HPSE2: variants seen among roughly 807,000 people sequenced by gnomAD.
The protein encoded by HPSE2 is inactive heparanase-2.
A neutral mutation model predicts 60.5 loss-of-function variants in HPSE2; 38 were observed. The observed-to-expected ratio is 0.63, with a 90% CI of 0.48 to 0.82. The LOEUF is 0.82. Among genes scored for constraint, HPSE2 ranks in the 40% least tolerant of loss-of-function variants. The probability of loss-of-function intolerance (pLI) is 0.00; values close to 1 mark genes in which losing one functional copy is unlikely to be tolerated. For missense variants in HPSE2, 713 were observed against 740.4 expected (o/e 0.96, Z 0.43); for synonymous variants, 295 against 293.2 (o/e 1.01, Z -0.06).
chr10:98,882,534 G>A (rs12268875), intron 3 of HPSE2, among the ~76,000 whole-genome samples: 1,561 of 151,994 alleles, frequency 0.01, 32 homozygotes, highest in African/African-American at 0.036. Flanking sequence ...TGACTCTCTG[G>A]GGCATGTTCT....
chr10:98,858,490 C>T (rs779925909), intron 3 of HPSE2, among the ~76,000 whole-genome samples: 12 of 152,100 alleles, frequency 7.9e-5, no homozygotes, highest in Admixed American at 6.6e-5. Context: ...TTTAATGCCA[C>T]AATTTTCATT....
At chr10:98,772,756 A>G (rs1362448896) in intron 3 of HPSE2, among the ~76,000 whole-genome samples, 1 of 152,210 alleles carries the variant, frequency 6.6e-6, no homozygotes, top group East Asian at 1.9e-4. Flanking sequence ...AATAAGGAGA[A>G]AGATTTTATT....
chr10:99,083,381 T>C (rs957316576), intron 3 of HPSE2, among the ~76,000 whole-genome samples: 4 of 152,198 alleles, frequency 2.6e-5, no homozygotes, highest in African/African-American at 9.6e-5. Flanking sequence ...CAAAGGAAAA[T>C]GTGAACTAGA....
intron 3 of HPSE2, among the ~76,000 whole-genome samples, chr10:99,080,221 T>C (rs1843088763): frequency 6.7e-6 from 1 of 149,906 alleles, no homozygotes; most frequent in South Asian, 2.1e-4. Context: ...AAAAAAATTC[T>C]GTTTGAGTTT....
In HPSE2 at chr10:98,557,301, A is replaced by C. The variant is rs189309658; in HGVS notation, c.1320+57603T>G. Among the ~76,000 whole-genome samples the C allele has an allele frequency of 7.2e-5, 11 of 152,348 alleles. No homozygotes were observed. In the East Asian group the frequency reaches 2.1e-3, roughly 29 times the overall value. ...AAACCGACCAGTGAAACATAATACA[A>C]GGTCCAGAAACAGACCTTTACCTAT... On this transcript the variant is annotated intron_variant, in intron 9 of 11. Transcript: ENST00000370552.
At chr10:99,173,277 G>A (rs142913778) in intron 2 of HPSE2, among the ~76,000 whole-genome samples, 1 of 152,266 alleles carries the variant, frequency 6.6e-6, no homozygotes, top group African/African-American at 2.4e-5. Flanking sequence ...GAAGATATTA[G>A]GAGAGCTGGG....
chr10:98,943,624 C>G (rs764962520), intron 3 of HPSE2, among the ~76,000 whole-genome samples: 17 of 152,106 alleles, frequency 1.1e-4, no homozygotes, highest in Non-Finnish European at 2.4e-4. Context: ...CTCTTACTTT[C>G]TCTTTTTCTC....
intron 3 of HPSE2, among the ~76,000 whole-genome samples, chr10:99,077,574 G>GTGTA (rs916300205): frequency 6.6e-6 from 1 of 151,764 alleles, no homozygotes; most frequent in Non-Finnish European, 1.5e-5. Flanking sequence ...CTGTGTGTGA[G>GTGTA]TGTATGTGTG....
chr10:99,130,016 C>G (rs1194291667), intron 3 of HPSE2, among the ~76,000 whole-genome samples: 2 of 151,986 alleles, frequency 1.3e-5, no homozygotes, highest in Non-Finnish European at 2.9e-5. Flanking sequence ...CGTGCACAAA[C>G]TAGAAAATTT....
intron 3 of HPSE2, among the ~76,000 whole-genome samples, chr10:98,832,523 G>T (rs750907578): frequency 5.9e-5 from 9 of 152,124 alleles, no homozygotes; most frequent in Non-Finnish European, 1.3e-4. Context: ...AATGTTAAGG[G>T]TTTAGATAAT....
At chr10:98,728,193 AAGAC>A (rs1329698805) in intron 4 of HPSE2, among the ~76,000 whole-genome samples, 2 of 152,206 alleles carry the variant, frequency 1.3e-5, no homozygotes, top group African/African-American at 4.8e-5. Flanking sequence ...ACTGATTTAA[AAGAC>A]AGTGCATAAA....
chr10:99,073,568 C>T (rs1842865694), intron 3 of HPSE2, among the ~76,000 whole-genome samples: 1 of 152,118 alleles, frequency 6.6e-6, no homozygotes, highest in South Asian at 2.1e-4. Context: ...CGGCAAACCA[C>T]CATCGCACAC....
rs572236962 is a variant in HPSE2, at chr10:98,703,619, T to C, written c.957-9672A>G. ...TGGGATGCAGGGCTGGTTCAACATA[T>C]GCAAGTCAATAAACATAATCCATCA... On this transcript the variant is annotated intron_variant, in intron 5 of 11. Coordinates refer to ENST00000370552, the MANE Select transcript of HPSE2 (RefSeq NM_021828.5). 5.9e-5 allele frequency among the ~76,000 whole-genome samples: 9 copies of C among 152,170 alleles called. No homozygotes were observed. In the South Asian group the frequency reaches 1.7e-3, roughly 28 times the overall value.
intron 9 of HPSE2, among the ~76,000 whole-genome samples, chr10:98,542,217 G>A (rs1408915164): frequency 6.6e-6 from 1 of 152,166 alleles, no homozygotes; most frequent in African/African-American, 2.4e-5. Context: ...CGGGCAAACA[G>A]GGTCTGGAGT....
In HPSE2 at chr10:98,939,880, G is replaced by C. The variant is rs567655398; in HGVS notation, c.611-195824C>G. On this transcript the variant is annotated intron_variant, in intron 3 of 11. Coordinates refer to ENST00000370552, the MANE Select transcript of HPSE2 (RefSeq NM_021828.5). ...AAAAGAACAGAAATTATAACAAACT[G>C]TCTCTCAGACCACAGTGCAATCAAA... Among the ~76,000 whole-genome samples, 66 of 143,738 alleles carry C rather than the reference G, an allele frequency of 4.6e-4. 9 individuals carry two copies. The South Asian group carries it at 8.5e-3, about 18-fold the overall frequency. 94.3% of individuals were successfully genotyped at this position (143,738 alleles called of 152,430 possible).
chr10:99,202,741 T>C (rs1308237423), intron 2 of HPSE2, among the ~76,000 whole-genome samples: 1 of 152,124 alleles, frequency 6.6e-6, no homozygotes, highest in African/African-American at 2.4e-5. Flanking sequence ...ATCACCCCTA[T>C]AGACACATCC....
At chr10:98,535,598 T>A (rs542571316) in intron 9 of HPSE2, among the ~76,000 whole-genome samples, 71 of 152,320 alleles carry the variant, frequency 4.7e-4, no homozygotes, top group African/African-American at 1.6e-3. Context: ...CGTATACTAT[T>A]GATATATATA....
Position 99,034,485 on chromosome 10 carries a change from T to C in HPSE2, c.610+109753A>G, listed in dbSNP as rs192238192. ...TGTACACCACCAAGAGTAAAGCTTA[T>C]TGTTTCTAATTTTTTTAATTCACCA... On this transcript the variant is annotated intron_variant, in intron 3 of 11. Transcript: ENST00000370552. Among the ~76,000 whole-genome samples the C allele has an allele frequency of 2.6e-3, 389 of 152,198 alleles. 4 individuals are homozygous for C. The highest frequency in any genetic ancestry group is 4.3e-4 in the Non-Finnish European group (29 of 67,998).
the HPSE2 span, among the ~76,000 whole-genome samples, chr10:99,245,599 C>A: frequency 2.0e-5 from 3 of 152,156 alleles, no homozygotes; most frequent in Admixed American, 6.5e-5. Flanking sequence ...TCACTTTATA[C>A]CATCTGATTA....
Sources: gnomAD v4.1 joint callset for allele counts (sites outside exome capture counted in the v4.1 genomes callset) on GRCh38, gnomAD v4.1.1 for gene constraint, MANE v1.5 for transcripts, NCBI Gene and HGNC (gene_info 2026-07-23, HGNC 2026-07-21) for gene names.